The following SETD2 variants were observed in gnomAD, a reference collection of about 807,000 sequenced individuals.
SETD2 encodes histone-lysine N-methyltransferase SETD2.
A neutral mutation model predicts 242.1 loss-of-function variants in SETD2; 31 were observed. The observed-to-expected ratio is 0.13, with a 90% confidence interval of 0.10 to 0.17. The LOEUF is 0.17. Among genes scored for constraint, SETD2 ranks in the 10% least tolerant of loss-of-function variants. The pLI, the probability that SETD2 is intolerant of heterozygous loss-of-function variation, is 1.00. For synonymous variants in SETD2, 1,006 were observed against 1,066.5 expected (o/e 0.94, Z 1.11); for missense variants, 2,481 against 3,046.3 (o/e 0.81, Z 4.37).
chr3:47,116,575 C>T (rs1446409174), intron 4 of SETD2, 48 bp downstream of exon 4: 2 of 1,549,114 alleles, frequency 1.3e-6, no homozygotes, highest in East Asian at 2.3e-5. Context: ...TATTTAGAGA[C>T]ATTTAATAGA....
intron 12 of SETD2, among the ~76,000 whole-genome samples, chr3:47,078,921 G>C (rs917027763): frequency 6.6e-6 from 1 of 151,864 alleles, no homozygotes; most frequent in Non-Finnish European, 1.5e-5. Flanking sequence ...GTAGAGACAG[G>C]GTTTTGCTTT....
In SETD2 at chr3:47,083,962, T is replaced by C. The variant is rs115156486; in HGVS notation, c.5818A>G (p.Ser1940Gly). The C allele has an allele frequency of 1.8e-5, 29 of 1,614,182 alleles. No homozygotes were observed. In the East Asian group the frequency reaches 5.8e-4, roughly 32 times the overall value. The change falls in exon 12 of 21, where the codon AGT (serine) becomes GGT (glycine). Residue 1940 changes from serine (S) to glycine (G), a missense_variant. By Grantham distance (56) the Ser-to-Gly change is moderately conservative. Transcript: ENST00000409792. Reference sequence around the variant, plus strand: ...TTACTAGCTTCTATGTTGGTTTCACTATCAACTTTGCATTCAGGCAGCTGT... The same window carrying C: ...TTACTAGCTTCTATGTTGGTTTCACCATCAACTTTGCATTCAGGCAGCTGT... The part of the protein sequence containing the change: ...PQQLPECKVD[S>G]ETNIEASKLP...
chr3:47,096,402 T>C (rs1197332456), intron 9 of SETD2, among the ~76,000 whole-genome samples: 1 of 152,104 alleles, frequency 6.6e-6, no homozygotes, highest in Non-Finnish European at 1.5e-5. Context: ...ACACTATATA[T>C]GCTATCTAAA....
In SETD2 at chr3:47,141,547, A is replaced by G. The variant is rs140790040; in HGVS notation, c.72-14884T>C. Among the ~76,000 whole-genome samples, 102 of 152,338 alleles carry G rather than the reference A, an allele frequency of 6.7e-4. 1 individual carries two copies. In the East Asian group the frequency reaches 0.018, roughly 26 times the overall value. ...AAAGACAAGGTCTCTCTTTTTATAC[A>G]TATTTCAGATCTCTTTCCATCATAA... On this transcript the variant is annotated intron_variant, in intron 1 of 20. Coordinates refer to ENST00000409792, the MANE Select transcript of SETD2 (RefSeq NM_014159.7).
chr3:47,138,961 C>A (rs922323518), intron 1 of SETD2, among the ~76,000 whole-genome samples: 1 of 151,878 alleles, frequency 6.6e-6, no homozygotes, highest in Non-Finnish European at 1.5e-5. Context: ...TCTTTCTTTT[C>A]TTTTTTTTGA....
chr3:47,148,136 TG>T (rs1337797122), intron 1 of SETD2, among the ~76,000 whole-genome samples: 3 of 151,592 alleles, frequency 2.0e-5, no homozygotes, highest in African/African-American at 7.3e-5. Flanking sequence ...TTGTTGTTGT[TG>T]TTGTTGTTTT....
intron 1 of SETD2, among the ~76,000 whole-genome samples, chr3:47,129,551 G>C (rs768931791): frequency 5.9e-5 from 9 of 152,222 alleles, no homozygotes; most frequent in Non-Finnish European, 1.3e-4. Context: ...CACAGAAAAA[G>C]TATGGAATCA....
Position 47,037,645 on chromosome 3 carries a change from AC to A in SETD2, c.7350+20del. ...ACGGACTCCCAAATGATCAGGAAAT[AC>A]ATGTGTAAGCCACACTCACCTTCAT... On this transcript the variant is annotated intron_variant, in intron 18 of 20. Coordinates refer to ENST00000409792, the MANE Select transcript of SETD2 (RefSeq NM_014159.7). The A allele has an allele frequency of 6.4e-7, 1 of 1,565,054 alleles. No homozygotes were observed. Among genetic ancestry groups the A allele is most frequent in the Non-Finnish European group, 8.8e-7 (1 of 1,135,726 alleles).
At chr3:47,142,760 C>G (rs1367555598) in intron 1 of SETD2, among the ~76,000 whole-genome samples, 1 of 151,700 alleles carries the variant, frequency 6.6e-6, no homozygotes, top group Non-Finnish European at 1.5e-5. Flanking sequence ...CTCCGCCTCC[C>G]AGGTTCAAGC....
chr3:47,154,289 G>A (rs1189865277), intron 1 of SETD2, among the ~76,000 whole-genome samples: 1 of 151,924 alleles, frequency 6.6e-6, no homozygotes, highest in Non-Finnish European at 1.5e-5. Context: ...CGCGCCTGTA[G>A]TCCCAGCTAC....
Position 47,087,874 on chromosome 3 carries a change from C to CAGG in SETD2, c.5277+238_5277+239insCCT, listed in dbSNP as rs10662952. Among the ~76,000 whole-genome samples the CAGG allele has an allele frequency of 0.65, 98,848 of 151,492 alleles. 32,660 individuals carry two copies. Among genetic ancestry groups the CAGG allele is most frequent in the African/African-American group, 0.76 (31,243 of 41,276 alleles). On this transcript the variant is annotated intron_variant, in intron 10 of 20. Transcript: ENST00000409792. Reference sequence around the variant, plus strand: ...ATCCCAGCTACTCAGGACGCTGAGGCAGAATTGCTTGCACCCAGGACACAG... The same window carrying CAGG: ...ATCCCAGCTACTCAGGACGCTGAGGCAGGAGAATTGCTTGCACCCAGGACACAG...
chr3:47,030,891 C>T (rs534493517), intron 18 of SETD2, among the ~76,000 whole-genome samples: 183 of 152,222 alleles, frequency 1.2e-3, no homozygotes, highest in Non-Finnish European at 1.7e-3. Context: ...CAAACTGCGG[C>T]GCACTCAGAC....
chr3:47,022,982 CTA>C (rs1184530642), intron 18 of SETD2, among the ~76,000 whole-genome samples: 1 of 152,194 alleles, frequency 6.6e-6, no homozygotes, highest in African/African-American at 2.4e-5. Flanking sequence ...ATTGACATGA[CTA>C]TGTCACAAAG....
intron 18 of SETD2, among the ~76,000 whole-genome samples, chr3:47,023,843 G>A (rs2038350197): frequency 6.6e-6 from 1 of 152,148 alleles, no homozygotes; most frequent in Non-Finnish European, 1.5e-5. Context: ...GTATATAAGG[G>A]ACTTGAGCAT....
chr3:47,108,468 A>G (rs774017456), intron 5 of SETD2, among the ~76,000 whole-genome samples: 54 of 152,334 alleles, frequency 3.5e-4, no homozygotes, highest in Middle Eastern at 3.4e-3. Flanking sequence ...ATAAAGCTCA[A>G]TTACAGCCTG....
At position 47,016,572 on chromosome 3, in the gene SETD2, A is replaced by C; in HGVS notation, c.*521T>G. 1 of 233,910 alleles carries C rather than the reference A, an allele frequency of 4.3e-6. No individual in the cohort carries two copies. Among genetic ancestry groups the C allele is most frequent in the Non-Finnish European group, 8.5e-6 (1 of 118,210 alleles). The allele number at this position is 233,910 out of a possible 1,614,324, so 14.5% of individuals were successfully genotyped here. ...ACCACAAGGCAGCCTGCTTTAGAAT[A>C]TTTACATGATAACAAATTAAACCTT... On this transcript the variant is annotated 3_prime_UTR_variant, in exon 21 of 21. Coordinates refer to ENST00000409792, the MANE Select transcript of SETD2 (RefSeq NM_014159.7).
Position 47,021,171 on chromosome 3 carries a change from T to C in SETD2, c.7351-1331A>G, listed in dbSNP as rs115416418. Among the ~76,000 whole-genome samples, 1,502 of 152,300 alleles carry C rather than the reference T, an allele frequency of 9.9e-3. 30 individuals carry two copies. Among genetic ancestry groups the C allele is most frequent in the African/African-American group, 0.035 (1,448 of 41,548 alleles). On this transcript the variant is annotated intron_variant, in intron 18 of 20. Coordinates refer to ENST00000409792, the MANE Select transcript of SETD2 (RefSeq NM_014159.7). ...TAGATGGTATGAGTATGCTCCACAG[T>C]AAGACCTTAGGTAGCAAGGGATCAA...
chr3:47,057,066 A>G lies in SETD2; in HGVS notation c.6718T>C (p.Tyr2240His). The change falls in exon 15 of 21, where the codon TAT (tyrosine) becomes CAT (histidine). Residue 2240 changes from tyrosine to histidine, a missense_variant. Transcript: ENST00000409792. ...AAPVEVSSSQYVAQSDGVVHQ... is the reference protein window; with the variant it reads ...AAPVEVSSSQHVAQSDGVVHQ... ...ACTACACCATCACTCTGGGCCACAT[A>G]CTGGGAACTGGAAACTTCCACAGGA... 1 of 1,614,238 alleles carries G rather than the reference A, an allele frequency of 6.2e-7. No individual in the cohort carries two copies. Among genetic ancestry groups the G allele is most frequent in the Non-Finnish European group, 8.5e-7 (1 of 1,180,044 alleles).
chr3:47,138,379 C>T (rs2106783802), intron 1 of SETD2: 1 of 185,986 alleles, frequency 5.4e-6, no homozygotes, highest in Non-Finnish European at 1.2e-5. Flanking sequence ...AAGCGAATCT[C>T]CTGCCTCAGC....
Sources: gnomAD v4.1 joint callset for allele counts (sites outside exome capture counted in the v4.1 genomes callset) on GRCh38, gnomAD v4.1.1 for gene constraint, MANE v1.5 for transcripts, NCBI Gene and HGNC (gene_info 2026-07-23, HGNC 2026-07-21) for gene names.